SLC26A4: variants seen among roughly 807,000 people sequenced by gnomAD.
The protein encoded by SLC26A4 is pendrin.
A neutral mutation model predicts 90.4 loss-of-function variants in SLC26A4; 93 were observed. The observed-to-expected ratio is 1.03, with a 90% CI of 0.87 to 1.22. SLC26A4 has a LOEUF of 1.22. Ranked by LOEUF, SLC26A4 falls within the 50% of genes most tolerant of loss-of-function variation. SLC26A4 has a pLI of 0.00. For synonymous variants in SLC26A4, 393 were observed against 354.6 expected (o/e 1.11, Z -1.22); for missense variants, 1,127 against 946.2 (o/e 1.19, Z -2.51).
intron 6 of SLC26A4, among the ~76,000 whole-genome samples, chr7:107,679,615 T>C (rs1405011947): frequency 6.6e-6 from 1 of 151,608 alleles, no homozygotes; most frequent in Non-Finnish European, 1.5e-5. Context: ...GCAGGAAATA[T>C]AATAAAATAT....
rs1791301420 is a variant in SLC26A4 at position 107,683,297 on chromosome 7, A to G, written c.861A>G (p.Glu287=). The part of the protein sequence containing the change: ...LTIVVCMAVK[E]LNDRFRHKIP... Reference sequence around the variant, plus strand: ...TTGTCGTCTGTATGGCAGTTAAGGAATTAAATGATCGGTTTAGACACAAAA... The same window carrying G: ...TTGTCGTCTGTATGGCAGTTAAGGAGTTAAATGATCGGTTTAGACACAAAA... The change falls in exon 7 of 21, where the codon GAA becomes GAG. Residue 287 remains glutamate (E), a synonymous_variant. Transcript: ENST00000644269. 2 of 1,613,718 alleles carry G rather than the reference A, an allele frequency of 1.2e-6. No homozygotes were observed. The highest frequency in any genetic ancestry group is 3.3e-5 in the Admixed American group (2 of 60,006).
intron 13 of SLC26A4, among the ~76,000 whole-genome samples, chr7:107,697,320 T>A (rs1277489879): frequency 6.6e-6 from 1 of 152,236 alleles, no homozygotes; most frequent in African/African-American, 2.4e-5. Flanking sequence ...TAGTTTGGTA[T>A]CTAGGCTTTT....
chr7:107,671,632 T>G (rs3823957), intron 3 of SLC26A4, among the ~76,000 whole-genome samples: 88,564 of 152,076 alleles, frequency 0.58, 26,052 homozygotes, highest in East Asian at 0.62. Flanking sequence ...CCAGTCTGTA[T>G]GCAAGATAAG....
chr7:107,672,214 CT>C lies in SLC26A4; in HGVS notation c.384del (p.Phe128LeufsTer17). On this transcript the variant is annotated frameshift_variant, in exon 4 of 21. Transcript: ENST00000644269. LOFTEE classifies it high-confidence loss of function. The part of the protein sequence containing the change: ...YSAFFPILTY[F>X]IFGTSRHISV... ...CTGCTTTTTTCCCTATCCTGACATACTTTATCTTTGGAACATCAAGACATAT... is the reference window on the plus strand; with the variant it reads ...CTGCTTTTTTCCCTATCCTGACATACTTATCTTTGGAACATCAAGACATAT... The C allele has an allele frequency of 1.2e-6, 2 of 1,609,246 alleles. No homozygotes were observed. Among genetic ancestry groups the C allele is most frequent in the Non-Finnish European group, 1.7e-6 (2 of 1,175,750 alleles).
chr7:107,683,452 C>T lies in SLC26A4; in HGVS notation c.919-3C>T, dbSNP rs1244680503. The T allele has an allele frequency of 6.2e-7, 1 of 1,613,590 alleles. No homozygotes were observed. The highest frequency in any genetic ancestry group is 1.7e-5 in the Admixed American group (1 of 59,986). ...GTTTTTAACATCTTTTGTTTTATTT[C>T]AGACGATAATTGCTACTGCCATTTC... On this transcript the variant is annotated splice_polypyrimidine_tract_variant and splice_region_variant and intron_variant, in intron 7 of 20. Coordinates refer to ENST00000644269, the MANE Select transcript of SLC26A4 (RefSeq NM_000441.2).
At chr7:107,712,245 G>C (rs1241266457) in intron 19 of SLC26A4, among the ~76,000 whole-genome samples, 1 of 152,164 alleles carries the variant, frequency 6.6e-6, no homozygotes, top group Non-Finnish European at 1.5e-5. Flanking sequence ...ATTGACTGCT[G>C]AATCATTTAG....
intron 20 of SLC26A4, among the ~76,000 whole-genome samples, chr7:107,715,096 G>A (rs1025830866): frequency 8.8e-4 from 104 of 118,410 alleles, no homozygotes; most frequent in African/African-American, 2.8e-3. Flanking sequence ...TTAGCTGGGT[G>A]TGGTGGCAGG....
intron 8 of SLC26A4, among the ~76,000 whole-genome samples, chr7:107,684,533 A>T (rs1335138293): frequency 6.6e-6 from 1 of 152,144 alleles, no homozygotes. Flanking sequence ...TCTGTTCCAA[A>T]CTATTTGAAA....
chr7:107,703,830 T>C (rs1410689188), intron 17 of SLC26A4, among the ~76,000 whole-genome samples: 2 of 152,220 alleles, frequency 1.3e-5, no homozygotes, highest in Non-Finnish European at 2.9e-5. Flanking sequence ...TAATTGTAAA[T>C]TCACATGTAG....
intron 3 of SLC26A4, among the ~76,000 whole-genome samples, chr7:107,664,642 A>T (rs1425333580): frequency 3.3e-5 from 5 of 152,302 alleles, no homozygotes; most frequent in African/African-American, 9.6e-5. Context: ...ATCCCTTTTT[A>T]AAAAAATTCA....
At chr7:107,668,177 T>G (rs886176917) in intron 3 of SLC26A4, among the ~76,000 whole-genome samples, 8 of 152,068 alleles carry the variant, frequency 5.3e-5, no homozygotes, top group African/African-American at 1.9e-4. Flanking sequence ...AGGTAGATGT[T>G]TGAGGTCAGC....
chr7:107,683,334 A>C lies in SLC26A4; in HGVS notation c.898A>C (p.Ile300Leu), dbSNP rs111033304. ...GTTTAGACACAAAATCCCAGTCCCT[A>C]TTCCTATAGAAGTAATTGTGGTAAG... ...DRFRHKIPVP[I>L]PIEVIVTIIA... is the part of the protein sequence containing the mutation. The change falls in exon 7 of 21, where the codon ATT becomes CTT. Residue 300 changes from isoleucine to leucine, a missense_variant. Physicochemically the swap from Ile to Leu is conservative, Grantham distance 5 (BLOSUM62 2). Transcript: ENST00000644269. 1,234 of 1,613,866 alleles carry C rather than the reference A, an allele frequency of 7.6e-4. 12 individuals carry two copies. In the African/African-American group the frequency reaches 0.015, roughly 20 times the overall value.
intron 3 of SLC26A4, among the ~76,000 whole-genome samples, chr7:107,665,910 A>T (rs985680343): frequency 6.6e-6 from 1 of 152,170 alleles, no homozygotes; most frequent in African/African-American, 2.4e-5. Flanking sequence ...TTCTAGAAAC[A>T]TTATCTCTAT....
chr7:107,663,297 T>G lies in SLC26A4; in HGVS notation c.166T>G (p.Cys56Gly). The G allele has an allele frequency of 2.5e-6, 4 of 1,614,200 alleles. No individual in the cohort carries two copies. Among genetic ancestry groups the G allele is most frequent in the Non-Finnish European group, 3.4e-6 (4 of 1,180,022 alleles). Residue 56 changes from cysteine to glycine, a missense_variant and splice_region_variant, in exon 3 of 21, where the codon TGT becomes GGT. Physicochemically the swap from Cys to Gly is radical, Grantham distance 159. Coordinates refer to ENST00000644269, the MANE Select transcript of SLC26A4 (RefSeq NM_000441.2). ...LRESLAKCCS[C>G]SRKRAFGVLK... ...CCCAGTTTTCTTGCTTTTTGACAGT[T>G]GTTCAAGAAAGAGAGCCTTTGGTGT...
At chr7:107,672,637 C>G (rs184266607) in intron 4 of SLC26A4, among the ~76,000 whole-genome samples, 39 of 152,114 alleles carry the variant, frequency 2.6e-4, no homozygotes, top group Admixed American at 5.2e-4. Context: ...TTTGAACCTA[C>G]CATTTTACTG....
chr7:107,663,538 C>T, intron 3 of SLC26A4, 103 bp downstream of exon 3: 1 of 1,284,126 alleles, frequency 7.8e-7, no homozygotes, highest in Non-Finnish European at 1.1e-6. Context: ...CCTTCAAGGC[C>T]TGTATCTTTC....
chr7:107,696,715 G>T (rs946810386), intron 13 of SLC26A4, among the ~76,000 whole-genome samples: 5 of 152,162 alleles, frequency 3.3e-5, no homozygotes, highest in African/African-American at 1.2e-4. Flanking sequence ...ATGGAAAACA[G>T]CCTGTGAGGG....
chr7:107,688,733 A>G (rs765719290), intron 8 of SLC26A4, among the ~76,000 whole-genome samples: 5 of 152,182 alleles, frequency 3.3e-5, no homozygotes, highest in African/African-American at 9.7e-5. Context: ...AAACACTAAC[A>G]TGTGAAATGG....
intron 3 of SLC26A4, among the ~76,000 whole-genome samples, chr7:107,664,423 G>A (rs1790654777): frequency 6.6e-6 from 1 of 152,132 alleles, no homozygotes; most frequent in African/African-American, 2.4e-5. Context: ...GTAGAGATGG[G>A]GTTTCGCCAT....
Sources: gnomAD v4.1 joint callset for allele counts (sites outside exome capture counted in the v4.1 genomes callset) on GRCh38, gnomAD v4.1.1 for gene constraint, MANE v1.5 for transcripts, NCBI Gene and HGNC (gene_info 2026-07-23, HGNC 2026-07-21) for gene names.